Variants in SHC3 observed in about 807,000 individuals in gnomAD.
SHC3 encodes the protein SHC adaptor protein 3.
A neutral mutation model predicts 60.4 loss-of-function variants in SHC3; 15 were observed. The ratio of observed to expected loss-of-function variants is 0.25; its 90% CI spans 0.17 to 0.38. SHC3 has a LOEUF of 0.38. SHC3 is among the 10% of genes least tolerant of loss of function. SHC3 has a pLI of 1.00. For synonymous variants in SHC3, 294 were observed against 325.9 expected (o/e 0.90, Z 1.05); for missense variants, 677 against 786.1 (o/e 0.86, Z 1.66).
At chr9:89,060,459 C>A (rs988772202) in intron 6 of SHC3, among the ~76,000 whole-genome samples, 1 of 151,864 alleles carries the variant, frequency 6.6e-6, no homozygotes, top group African/African-American at 2.4e-5. Context: ...GGAGAAGATA[C>A]CTGAAGCGAG....
chr9:89,172,820 C>T (rs897452229), intron 1 of SHC3, among the ~76,000 whole-genome samples: 2 of 152,196 alleles, frequency 1.3e-5, no homozygotes, highest in African/African-American at 4.8e-5. Context: ...ACTAACTCTA[C>T]TGCCCTTGGG....
At chr9:89,095,968 T>G (rs1189120481) in intron 2 of SHC3, among the ~76,000 whole-genome samples, 1 of 152,144 alleles carries the variant, frequency 6.6e-6, no homozygotes, top group East Asian at 1.9e-4. Flanking sequence ...CAGCATCCCT[T>G]AGCACTCCCT....
intron 6 of SHC3, among the ~76,000 whole-genome samples, chr9:89,055,576 G>T (rs557767032): frequency 2.0e-5 from 3 of 152,292 alleles, no homozygotes; most frequent in African/African-American, 4.8e-5. Flanking sequence ...GCAACTCAAC[G>T]CAAGGCCTTT....
intron 10 of SHC3, among the ~76,000 whole-genome samples, chr9:89,040,756 A>G (rs117533456): frequency 0.014 from 2,100 of 152,340 alleles, 25 homozygotes; most frequent in Middle Eastern, 0.031. Context: ...TCTAGCATTG[A>G]AGGTGGCTTC....
chr9:89,110,342 T>C (rs902980979), intron 2 of SHC3: 7 of 984,922 alleles, frequency 7.1e-6, no homozygotes, highest in Admixed American at 6.1e-5. Flanking sequence ...TGGAGTGCCT[T>C]TGGAAACCAG....
At chr9:89,114,435 G>GA (rs201334096) in intron 1 of SHC3, among the ~76,000 whole-genome samples, 2,189 of 147,596 alleles carry the variant, frequency 0.015, 54 homozygotes, top group African/African-American at 0.048. Flanking sequence ...ATTGAAAATA[G>GA]AAAAAAAAAC....
intron 1 of SHC3, among the ~76,000 whole-genome samples, chr9:89,132,451 A>T (rs994990379): frequency 2.6e-5 from 4 of 152,230 alleles, no homozygotes; most frequent in Non-Finnish European, 4.4e-5. Flanking sequence ...TGCATTGCCA[A>T]GACAATCCTA....
chr9:89,161,111 T>G (rs1027941998), intron 1 of SHC3, among the ~76,000 whole-genome samples: 1 of 152,190 alleles, frequency 6.6e-6, no homozygotes, highest in Non-Finnish European at 1.5e-5. Context: ...TGATAGAGTT[T>G]GGATCTGGTC....
chr9:89,161,512 C>T (rs1175570426), intron 1 of SHC3, among the ~76,000 whole-genome samples: 7 of 152,180 alleles, frequency 4.6e-5, no homozygotes, highest in Admixed American at 3.9e-4. Context: ...GCTAATACAT[C>T]GGCTGAACAC....
At chr9:89,070,948 C>G (rs187866268) in intron 5 of SHC3, among the ~76,000 whole-genome samples, 23 of 152,124 alleles carry the variant, frequency 1.5e-4, no homozygotes, top group Admixed American at 2.0e-4. Flanking sequence ...CTGGTAAGAA[C>G]GCCAGTGCCT....
At chr9:89,166,273 T>C (rs1826788209) in intron 1 of SHC3, among the ~76,000 whole-genome samples, 1 of 152,028 alleles carries the variant, frequency 6.6e-6, no homozygotes. Flanking sequence ...CTCCTCCGTC[T>C]CCCCAACTGG....
intron 1 of SHC3, 68 bp downstream of exon 1, chr9:89,177,919 A>T (rs1315584271): frequency 1.7e-6 from 2 of 1,144,496 alleles, no homozygotes; most frequent in Non-Finnish European, 2.1e-6. Flanking sequence ...GCTTCAGGGA[A>T]TGAAGGAGTC....
intron 1 of SHC3, among the ~76,000 whole-genome samples, chr9:89,121,568 G>A (rs1462447800): frequency 6.6e-6 from 1 of 152,210 alleles, no homozygotes; most frequent in Non-Finnish European, 1.5e-5. Flanking sequence ...GGGATTACAA[G>A]TGTGAGCCAC....
intron 1 of SHC3, among the ~76,000 whole-genome samples, chr9:89,176,028 G>C (rs181629021): frequency 6.6e-6 from 1 of 152,144 alleles, no homozygotes; most frequent in Admixed American, 6.5e-5. Context: ...CAATGCCTGC[G>C]TTTATGTTCA....
chr9:89,124,237 T>C (rs1340660058), intron 1 of SHC3, among the ~76,000 whole-genome samples: 1 of 152,200 alleles, frequency 6.6e-6, no homozygotes, highest in African/African-American at 2.4e-5. Context: ...TTCACACTGT[T>C]GGTAGGAGTG....
At chr9:89,082,790 G>A (rs906854898) in intron 2 of SHC3, among the ~76,000 whole-genome samples, 3 of 152,074 alleles carry the variant, frequency 2.0e-5, no homozygotes, top group African/African-American at 4.8e-5. Context: ...GTTGCCTCCC[G>A]CCCTCCTGTC....
intron 11 of SHC3, among the ~76,000 whole-genome samples, chr9:89,032,247 G>A (rs1243744048): frequency 6.6e-6 from 1 of 152,202 alleles, no homozygotes; most frequent in Non-Finnish European, 1.5e-5. Flanking sequence ...GAGGATTAGG[G>A]AACATTTAAA....
At chr9:89,041,759 T>G (rs1418561878) in intron 10 of SHC3, among the ~76,000 whole-genome samples, 1 of 152,254 alleles carries the variant, frequency 6.6e-6, no homozygotes, top group African/African-American at 2.4e-5. Context: ...TTTGTGTATG[T>G]ATATTGTCTC....
At chr9:89,154,006 T>C (rs982885763) in intron 1 of SHC3, among the ~76,000 whole-genome samples, 1 of 152,070 alleles carries the variant, frequency 6.6e-6, no homozygotes, top group Non-Finnish European at 1.5e-5. Flanking sequence ...ATAAAGAACT[T>C]GAGGTGCAGG....
Sources: gnomAD v4.1 joint callset for allele counts (sites outside exome capture counted in the v4.1 genomes callset) on GRCh38, gnomAD v4.1.1 for gene constraint, MANE v1.5 for transcripts, NCBI Gene and HGNC (gene_info 2026-07-23, HGNC 2026-07-21) for gene names.